The following ZNF385D variants were observed in gnomAD, a reference collection of about 807,000 sequenced individuals.
The protein encoded by ZNF385D is zinc finger protein 385D.
In ZNF385D, 15 loss-of-function variants were observed where a neutral mutation model predicts 35.8. That is an observed-to-expected ratio of 0.42 (90% CI 0.28 to 0.64). The LOEUF (loss-of-function observed/expected upper bound fraction) is 0.64. Ranked by LOEUF, ZNF385D falls within the 30% of genes least tolerant of loss-of-function variation. The pLI is 0.23. For synonymous variants in ZNF385D, 212 were observed against 186.8 expected (o/e 1.13, Z -1.10); for missense variants, 474 against 494.6 (o/e 0.96, Z 0.39).
intron 3 of ZNF385D, among the ~76,000 whole-genome samples, chr3:21,530,976 GA>G (rs1021389584): frequency 2.0e-5 from 3 of 150,198 alleles, no homozygotes; most frequent in South Asian, 2.1e-4. Flanking sequence ...GAAACCAAAA[GA>G]AAAAAAAATT....
At chr3:21,471,066 G>C (rs1363262410) in intron 4 of ZNF385D, among the ~76,000 whole-genome samples, 1 of 152,076 alleles carries the variant, frequency 6.6e-6, no homozygotes, top group Non-Finnish European at 1.5e-5. Flanking sequence ...TGGGTCTCAT[G>C]TTCTAAGTCT....
intron 2 of ZNF385D, among the ~76,000 whole-genome samples, chr3:22,317,903 A>G (rs1703989117): frequency 6.6e-6 from 1 of 152,046 alleles, no homozygotes; most frequent in Non-Finnish European, 1.5e-5. Flanking sequence ...TCTAATGAAA[A>G]TACAAAAATT....
At chr3:21,824,543 G>A (rs1473554454) in intron 3 of ZNF385D, among the ~76,000 whole-genome samples, 1 of 151,898 alleles carries the variant, frequency 6.6e-6, no homozygotes, top group Non-Finnish European at 1.5e-5. Flanking sequence ...TTCTTGTATA[G>A]CTAATGTATC....
intron 5 of ZNF385D, among the ~76,000 whole-genome samples, chr3:21,426,545 T>G (rs142430103): frequency 2.6e-5 from 4 of 152,270 alleles, no homozygotes; most frequent in African/African-American, 9.6e-5. Context: ...AGTTGATAAG[T>G]ATTCTTCATT....
intron 2 of ZNF385D, among the ~76,000 whole-genome samples, chr3:21,567,572 G>A (rs772269138): frequency 4.3e-4 from 65 of 151,794 alleles, no homozygotes; most frequent in Non-Finnish European, 8.4e-4. Flanking sequence ...ACCAGCTGAC[G>A]GAAAAATTAA....
At chr3:21,706,236 T>C (rs2067893962) in intron 1 of ZNF385D, among the ~76,000 whole-genome samples, 1 of 152,182 alleles carries the variant, frequency 6.6e-6, no homozygotes, top group Non-Finnish European at 1.5e-5. Flanking sequence ...AAAACTCTTG[T>C]TGAGAAATTT....
In ZNF385D at chr3:21,697,835, A is replaced by T. The variant is rs537262323; in HGVS notation, c.23-32807T>A. On this transcript the variant is annotated intron_variant, in intron 1 of 7. Transcript: ENST00000281523. Reference sequence around the variant, plus strand: ...AAAAGGACATAAAAGCGACCTGAAAACATATGAAAAAATGCTCAATACCAT... The same window carrying T: ...AAAAGGACATAAAAGCGACCTGAAATCATATGAAAAAATGCTCAATACCAT... Among the ~76,000 whole-genome samples, 11 of 152,324 alleles carry T rather than the reference A, an allele frequency of 7.2e-5. No homozygotes were observed. In the South Asian group the frequency reaches 2.3e-3, roughly 32 times the overall value.
chr3:21,945,228 A>G (rs1285989597), intron 3 of ZNF385D, among the ~76,000 whole-genome samples: 1 of 152,022 alleles, frequency 6.6e-6, no homozygotes, highest in Non-Finnish European at 1.5e-5. Flanking sequence ...AGAAAGAGAC[A>G]GAGAGAGGAG....
intron 2 of ZNF385D, among the ~76,000 whole-genome samples, chr3:22,302,774 T>TTA (rs1267628388): frequency 1.3e-5 from 2 of 152,126 alleles, no homozygotes; most frequent in Non-Finnish European, 2.9e-5. Flanking sequence ...GTTTTAATGT[T>TTA]ACTTTGAAAG....
At chr3:21,885,985 C>G (rs147660766) in intron 3 of ZNF385D, among the ~76,000 whole-genome samples, 2 of 152,104 alleles carry the variant, frequency 1.3e-5, no homozygotes, top group African/African-American at 2.4e-5. Context: ...TCAAAGTCCA[C>G]TGATTTAAGT....
chr3:22,333,666 T>C (rs1323299666), intron 2 of ZNF385D, among the ~76,000 whole-genome samples: 3 of 152,206 alleles, frequency 2.0e-5, no homozygotes, highest in Admixed American at 1.3e-4. Flanking sequence ...ATATTTTCAT[T>C]CATTTCCGAA....
At chr3:21,631,122 G>A (rs1240558785) in intron 2 of ZNF385D, among the ~76,000 whole-genome samples, 1 of 152,062 alleles carries the variant, frequency 6.6e-6, no homozygotes, top group Non-Finnish European at 1.5e-5. Flanking sequence ...TGTGGGGAAC[G>A]TGAGGTATAC....
chr3:21,768,527 A>G (rs1224953942), intron 3 of ZNF385D, among the ~76,000 whole-genome samples: 3 of 151,906 alleles, frequency 2.0e-5, no homozygotes, highest in Non-Finnish European at 2.9e-5. Context: ...GGGAATTTTT[A>G]TCAATTTTAG....
At chr3:22,150,868 T>C (rs952672433) in intron 3 of ZNF385D, among the ~76,000 whole-genome samples, 5 of 152,086 alleles carry the variant, frequency 3.3e-5, no homozygotes, top group African/African-American at 9.7e-5. Flanking sequence ...CTCAGGAGAT[T>C]ATTTAAGGGA....
chr3:22,180,914 C>CTTTTGTTCTTTTTTTTTT (rs1695209879), intron 2 of ZNF385D, among the ~76,000 whole-genome samples: 1 of 113,008 alleles, frequency 8.8e-6, no homozygotes, highest in African/African-American at 4.2e-5. Context: ...TGCTTTTGTT[C>CTTTTGTTCTTTTTTTTTT]TTTTTTTTTT....
intron 3 of ZNF385D, among the ~76,000 whole-genome samples, chr3:21,779,567 T>G (rs993152755): frequency 2.0e-5 from 3 of 151,990 alleles, no homozygotes; most frequent in Non-Finnish European, 4.4e-5. Context: ...CAATAGGTGT[T>G]TCTGAACATT....
At chr3:21,905,294 C>T (rs2125904257) in intron 3 of ZNF385D, among the ~76,000 whole-genome samples, 1 of 149,646 alleles carries the variant, frequency 6.7e-6, no homozygotes, top group South Asian at 2.1e-4. Context: ...CTTTTCATAG[C>T]TGTCACTTTG....
intron 3 of ZNF385D, among the ~76,000 whole-genome samples, chr3:22,036,708 G>C (rs1008095194): frequency 7.0e-6 from 1 of 143,656 alleles, no homozygotes; most frequent in East Asian, 2.0e-4. Context: ...AGCCCTACTA[G>C]GTTTTTTTTT....
chr3:21,723,319 G>A (rs974492946), intron 1 of ZNF385D, among the ~76,000 whole-genome samples: 1 of 152,152 alleles, frequency 6.6e-6, no homozygotes, highest in Non-Finnish European at 1.5e-5. Flanking sequence ...ATTGACCGAA[G>A]TATGCTTCAG....
Sources: allele counts gnomAD v4.1 joint callset (sites outside exome capture counted in the v4.1 genomes callset), GRCh38; gene constraint gnomAD v4.1.1; transcripts MANE v1.5; gene names NCBI Gene and HGNC (gene_info 2026-07-23, HGNC 2026-07-21).